Variants in DSCAM observed in about 807,000 individuals in gnomAD.
DSCAM encodes the protein cell adhesion molecule DSCAM.
Under a neutral mutation model 217.7 loss-of-function variants are expected in DSCAM, and 47 were observed. The observed-to-expected ratio is 0.22, with a 90% CI of 0.17 to 0.28. The LOEUF (loss-of-function observed/expected upper bound fraction) is 0.28. DSCAM is among the 10% of genes least tolerant of loss of function. The pLI is 1.00. For synonymous variants in DSCAM, 1,056 were observed against 1,015.3 expected (o/e 1.04, Z -0.76); for missense variants, 2,080 against 2,618.3 (o/e 0.79, Z 4.49).
intron 3 of DSCAM, among the ~76,000 whole-genome samples, chr21:40,519,513 T>C (rs1023797114): frequency 6.6e-6 from 1 of 152,178 alleles, no homozygotes; most frequent in African/African-American, 2.4e-5. Flanking sequence ...CATCTGAGGA[T>C]AAAGCAAGAA....
chr21:40,436,315 A>C (rs762911136), intron 3 of DSCAM, among the ~76,000 whole-genome samples: 1 of 152,206 alleles, frequency 6.6e-6, no homozygotes, highest in Admixed American at 6.5e-5. Context: ...TTTCCCCCTG[A>C]GATGGTTAGT....
intron 3 of DSCAM, among the ~76,000 whole-genome samples, chr21:40,511,430 T>C (rs2076256431): frequency 2.0e-5 from 3 of 152,192 alleles, no homozygotes. Flanking sequence ...ACAAATGTCA[T>C]AAATTTAGCA....
intron 11 of DSCAM, among the ~76,000 whole-genome samples, chr21:40,202,195 TCCACCCCCG>T (rs1478003024): frequency 6.6e-6 from 1 of 152,120 alleles, no homozygotes; most frequent in African/African-American, 2.4e-5. Flanking sequence ...GGGGGTGGAT[TCCACCCCCG>T]CCACCCTTCA....
chr21:40,701,501 T>C (rs2090655897), intron 2 of DSCAM, among the ~76,000 whole-genome samples: 1 of 152,148 alleles, frequency 6.6e-6, no homozygotes, highest in South Asian at 2.1e-4. Context: ...CAGTTTAAAA[T>C]GGATGCTGAG....
chr21:40,640,775 G>T lies in DSCAM; in HGVS notation c.508+52035C>A, dbSNP rs146118286. 3.5e-3 allele frequency among the ~76,000 whole-genome samples: 535 copies of T among 152,030 alleles called. 5 individuals are homozygous for T. The highest frequency in any genetic ancestry group is 0.012 in the African/African-American group (487 of 41,452). On this transcript the variant is annotated intron_variant, in intron 3 of 32. Coordinates refer to ENST00000400454, the MANE Select transcript of DSCAM (RefSeq NM_001389.5). ...CAAAGTTTACAGAGAAAGGAAGAAG[G>T]CAGAAAAGGAACTACAGAATCAAAC...
At chr21:40,324,266 A>C (rs1255401414) in intron 8 of DSCAM, among the ~76,000 whole-genome samples, 2 of 152,104 alleles carry the variant, frequency 1.3e-5, no homozygotes, top group Non-Finnish European at 2.9e-5. Flanking sequence ...CAAGAAAAAG[A>C]TATCCCAAGG....
intron 3 of DSCAM, among the ~76,000 whole-genome samples, chr21:40,684,554 TA>T: frequency 6.6e-6 from 1 of 152,202 alleles, no homozygotes; most frequent in East Asian, 1.9e-4. Context: ...CACAGCACCA[TA>T]AGCCTGGTCC....
Position 40,360,121 on chromosome 21 carries a change from G to GTTTTTTTTTTTTTTTTTTTTTTTTTTTTT in DSCAM, c.656-6379_656-6378insAAAAAAAAAAAAAAAAAAAAAAAAAAAAA, listed in dbSNP as rs764160478. On this transcript the variant is annotated intron_variant, in intron 4 of 32. Coordinates refer to ENST00000400454, the MANE Select transcript of DSCAM (RefSeq NM_001389.5). ...TAGTGAGCATGGTACTTCATAGGTA[G>GTTTTTTTTTTTTTTTTTTTTTTTTTTTTT]TCTTTTTTTTTTTTTTTTTTTTTTT... 7.3e-5 allele frequency among the ~76,000 whole-genome samples: 6 copies of GTTTTTTTTTTTTTTTTTTTTTTTTTTTTT among 82,656 alleles called. 3 individuals are homozygous for GTTTTTTTTTTTTTTTTTTTTTTTTTTTTT. The highest frequency in any genetic ancestry group is 8.2e-4 in the South Asian group (2 of 2,428). The allele number at this position is 82,656 out of a possible 152,430, so 54.2% of individuals were successfully genotyped here. A position where few individuals can be genotyped will look rare whatever the true frequency, so the allele number is the denominator to read the frequency against.
chr21:40,407,763 C>T (rs748575639), intron 3 of DSCAM, among the ~76,000 whole-genome samples: 2 of 152,216 alleles, frequency 1.3e-5, no homozygotes, highest in Non-Finnish European at 2.9e-5. Context: ...CAGGTGACAG[C>T]ATGTGAAGCA....
intron 11 of DSCAM, among the ~76,000 whole-genome samples, chr21:40,266,670 T>A (rs2205093): frequency 0.041 from 4,969 of 120,646 alleles, 503 homozygotes; most frequent in East Asian, 0.23. Flanking sequence ...TATATATATA[T>A]AATCTTGAAA....
intron 3 of DSCAM, among the ~76,000 whole-genome samples, chr21:40,473,607 T>G (rs1361687663): frequency 3.3e-5 from 5 of 152,186 alleles, no homozygotes; most frequent in Admixed American, 3.3e-4. Flanking sequence ...CATATACAAC[T>G]ATTGTCAGAT....
chr21:40,580,279 T>G (rs465916), intron 3 of DSCAM, among the ~76,000 whole-genome samples: 43,640 of 151,776 alleles, frequency 0.29, 6,702 homozygotes, highest in African/African-American at 0.38. Context: ...ACGTCTGTAG[T>G]CCCAGCACTT....
intron 3 of DSCAM, among the ~76,000 whole-genome samples, chr21:40,612,100 T>C (rs537875046): frequency 1.3e-5 from 2 of 152,312 alleles, no homozygotes; most frequent in South Asian, 2.1e-4. Context: ...CTGGATTCTA[T>C]CTGAAAAGCA....
intron 9 of DSCAM, among the ~76,000 whole-genome samples, chr21:40,305,024 C>T (rs940285150): frequency 6.6e-6 from 1 of 152,098 alleles, no homozygotes; most frequent in African/African-American, 2.4e-5. Context: ...AAATGGTCCC[C>T]ATAGACTTGC....
At chr21:40,185,532 C>T (rs886589370) in intron 14 of DSCAM, among the ~76,000 whole-genome samples, 5 of 152,166 alleles carry the variant, frequency 3.3e-5, no homozygotes, top group African/African-American at 1.2e-4. Flanking sequence ...TGTGTGCTCC[C>T]GCACCAACAG....
At chr21:40,846,501 A>T in intron 1 of DSCAM, 118 bp downstream of exon 1, 1 of 356,424 alleles carries the variant, frequency 2.8e-6, no homozygotes, top group Admixed American at 5.8e-5. Context: ...AATTTTAAAC[A>T]CAGATGAAGC....
At chr21:40,190,232 G>A (rs1470395116) in intron 11 of DSCAM, among the ~76,000 whole-genome samples, 2 of 152,100 alleles carry the variant, frequency 1.3e-5, no homozygotes, top group African/African-American at 2.4e-5. Flanking sequence ...CTTGGCAATA[G>A]ATGACAAAAG....
intron 10 of DSCAM, among the ~76,000 whole-genome samples, chr21:40,291,041 T>C (rs2073885683): frequency 6.6e-6 from 1 of 152,220 alleles, no homozygotes; most frequent in Non-Finnish European, 1.5e-5. Context: ...CCCAAAACCC[T>C]GATCTTACCC....
chr21:40,664,531 AAAGTCAGCTGTGCC>A (rs2090178075), intron 3 of DSCAM, among the ~76,000 whole-genome samples: 1 of 152,208 alleles, frequency 6.6e-6, no homozygotes, highest in African/African-American at 2.4e-5. Flanking sequence ...AGCAACAAGG[AAAGTCAGCTGTGCC>A]GAGAATTGCA....
Sources: allele counts gnomAD v4.1 joint callset (sites outside exome capture counted in the v4.1 genomes callset), GRCh38; gene constraint gnomAD v4.1.1; transcripts MANE v1.5; gene names NCBI Gene and HGNC (gene_info 2026-07-23, HGNC 2026-07-21).